ATAD2B: variants seen among roughly 807,000 people sequenced by gnomAD.
The protein encoded by ATAD2B is ATPase family AAA domain-containing protein 2B.
Under a neutral mutation model 167.6 loss-of-function variants are expected in ATAD2B, and 40 were observed. The ratio of observed to expected loss-of-function variants is 0.24; its 90% CI spans 0.19 to 0.31. ATAD2B has a LOEUF of 0.31. ATAD2B is among the 10% of genes least tolerant of loss of function. The probability of loss-of-function intolerance (pLI) is 1.00; values close to 1 mark genes in which losing one functional copy is unlikely to be tolerated. For synonymous variants in ATAD2B, 579 were observed against 596.5 expected (o/e 0.97, Z 0.43); for missense variants, 1,242 against 1,757.2 (o/e 0.71, Z 5.24).
At chr2:23,790,489 A>T (rs972889151) in intron 19 of ATAD2B, among the ~76,000 whole-genome samples, 2 of 152,208 alleles carry the variant, frequency 1.3e-5, no homozygotes, top group African/African-American at 2.4e-5. Context: ...CACTTTATGA[A>T]TACAAAAGCA....
chr2:23,731,248 TC>T, the ATAD2B span, among the ~76,000 whole-genome samples: 1 of 152,220 alleles, frequency 6.6e-6, no homozygotes, highest in Non-Finnish European at 1.5e-5. Flanking sequence ...AGGCAAAGAA[TC>T]TATCATTAAT....
chr2:23,877,091 A>G (rs954083244), intron 7 of ATAD2B, among the ~76,000 whole-genome samples: 1 of 151,722 alleles, frequency 6.6e-6, no homozygotes, highest in African/African-American at 2.4e-5. Flanking sequence ...AAAAGAAAGA[A>G]AGAAATTTAG....
At chr2:23,710,830 T>C in the ATAD2B span, among the ~76,000 whole-genome samples, 2 of 152,204 alleles carry the variant, frequency 1.3e-5, no homozygotes, top group African/African-American at 4.8e-5. Context: ...TATATGCAAA[T>C]ACAAACCCCT....
chr2:23,769,785 G>C (rs560144068), intron 22 of ATAD2B, among the ~76,000 whole-genome samples: 1 of 147,612 alleles, frequency 6.8e-6, no homozygotes, highest in Non-Finnish European at 1.5e-5. Context: ...GCATAATCTG[G>C]GCTCACTGCA....
At chr2:23,743,667 T>G (rs748919593), downstream of ATAD2B, among the ~76,000 whole-genome samples, 119 of 151,984 alleles carry the variant, frequency 7.8e-4, no homozygotes, top group Middle Eastern at 3.4e-3. Context: ...ACTCTGTCAC[T>G]CAGGCTGGAG....
At chr2:23,690,385 T>A in the ATAD2B span, 1 of 152,146 alleles carries the variant, frequency 6.6e-6, no homozygotes, top group Non-Finnish European at 1.5e-5. Flanking sequence ...TGCCCCCAGC[T>A]CCCTGCCCCC....
intron 1 of ATAD2B, among the ~76,000 whole-genome samples, chr2:23,920,624 G>A (rs1433518253): frequency 1.3e-5 from 2 of 151,922 alleles, no homozygotes; most frequent in African/African-American, 2.4e-5. Context: ...TGGCACTTAC[G>A]GCCTACTCTA....
chr2:23,900,331 C>T (rs562863284), intron 1 of ATAD2B, among the ~76,000 whole-genome samples: 6 of 149,496 alleles, frequency 4.0e-5, no homozygotes, highest in African/African-American at 1.2e-4. Context: ...CCCCACAAAG[C>T]GCCGGGATTA....
intron 6 of ATAD2B, among the ~76,000 whole-genome samples, chr2:23,882,355 C>T (rs541412220): frequency 3.3e-5 from 5 of 151,938 alleles, no homozygotes; most frequent in Non-Finnish European, 7.4e-5. Context: ...ACCACAATGC[C>T]CGGCTAATTT....
Position 23,823,357 on chromosome 2 carries a change from T to C in ATAD2B, c.2032A>G (p.Ile678Val), listed in dbSNP as rs766400706. The C allele has an allele frequency of 6.2e-5, 100 of 1,613,776 alleles. No individual in the cohort carries two copies. Among genetic ancestry groups the C allele is most frequent in the Non-Finnish European group, 8.1e-5 (95 of 1,179,856 alleles). ...CTTCTTTCCAGCAGTGGTCTTATGA[T>C]GGGGGATAGTGCATGCCCTGAAGAC... ...VMSSGHALSP[I>V]IRPLLERSFN... is the part of the protein sequence containing the mutation. The change falls in exon 16 of 28, where the codon ATC becomes GTC. Residue 678 changes from isoleucine to valine, a missense_variant. Coordinates refer to ENST00000238789, the MANE Select transcript of ATAD2B (RefSeq NM_017552.4).
intron 15 of ATAD2B, 69 bp downstream of exon 15, chr2:23,828,777 TCCA>T (rs1172758980): frequency 1.8e-5 from 17 of 965,558 alleles, no homozygotes; most frequent in Non-Finnish European, 2.6e-5. Flanking sequence ...TCATTCACAT[TCCA>T]AATAAGGGGA....
chr2:23,874,924 C>T (rs1169662808), intron 8 of ATAD2B, among the ~76,000 whole-genome samples: 2 of 151,350 alleles, frequency 1.3e-5, no homozygotes, highest in African/African-American at 4.9e-5. Context: ...GGTGTGGTGG[C>T]GAATGCCTGT....
chr2:23,849,484 C>T (rs1451703820), intron 13 of ATAD2B, among the ~76,000 whole-genome samples: 1 of 152,066 alleles, frequency 6.6e-6, no homozygotes, highest in African/African-American at 2.4e-5. Context: ...TATAGCTGGA[C>T]ATTTTAACAT....
chr2:23,922,413 T>C (rs2150700666), intron 1 of ATAD2B, among the ~76,000 whole-genome samples: 1 of 151,974 alleles, frequency 6.6e-6, no homozygotes, highest in South Asian at 2.1e-4. Flanking sequence ...AGTAATCACA[T>C]CTAACTGCAT....
At chr2:23,744,825 G>T (rs1674730938), downstream of ATAD2B, among the ~76,000 whole-genome samples, 2 of 152,188 alleles carry the variant, frequency 1.3e-5, no homozygotes. Flanking sequence ...AAACGAATGG[G>T]ATTGGGAATG....
At chr2:23,898,750 C>T (rs1700427110) in intron 1 of ATAD2B, among the ~76,000 whole-genome samples, 1 of 152,164 alleles carries the variant, frequency 6.6e-6, no homozygotes, top group Admixed American at 6.5e-5. Flanking sequence ...CACATGAAAT[C>T]CCAAAACTTT....
Position 23,865,005 on chromosome 2 carries a change from C to T in ATAD2B, c.1189-81G>A, listed in dbSNP as rs946543540. On this transcript the variant is annotated intron_variant, in intron 10 of 27. Coordinates refer to ENST00000238789, the MANE Select transcript of ATAD2B (RefSeq NM_017552.4). Reference sequence around the variant, plus strand: ...TTTTAAAATTTATAAAAGAGTCTTACGATTCAGAAATACATGCCTTTAGCA... The same window carrying T: ...TTTTAAAATTTATAAAAGAGTCTTATGATTCAGAAATACATGCCTTTAGCA... 12 of 795,904 alleles carry T rather than the reference C, an allele frequency of 1.5e-5. No homozygotes were observed. The Admixed American group carries it at 2.2e-4, about 14-fold the overall frequency. 49.3% of individuals were successfully genotyped at this position (795,904 alleles called of 1,614,324 possible). A position where few individuals can be genotyped will look rare whatever the true frequency, so the allele number is the denominator to read the frequency against.
chr2:23,723,259 T>C, the ATAD2B span, among the ~76,000 whole-genome samples: 1 of 151,618 alleles, frequency 6.6e-6, no homozygotes, highest in Admixed American at 6.6e-5. Context: ...CACCACTGCA[T>C]TCCAGCCTGG....
chr2:23,715,799 T>C, the ATAD2B span, among the ~76,000 whole-genome samples: 3 of 152,194 alleles, frequency 2.0e-5, no homozygotes, highest in African/African-American at 7.2e-5. Context: ...TACAGTGTGA[T>C]AGGCAATTAC....
Sources: gnomAD v4.1 joint callset for allele counts (sites outside exome capture counted in the v4.1 genomes callset) on GRCh38, gnomAD v4.1.1 for gene constraint, MANE v1.5 for transcripts, NCBI Gene and HGNC (gene_info 2026-07-23, HGNC 2026-07-21) for gene names.